The following CDO1 variants were observed in gnomAD, a reference collection of about 807,000 sequenced individuals.
CDO1 encodes cysteine dioxygenase, type I.
In CDO1, 19 loss-of-function variants were observed where a neutral mutation model predicts 24.5. The ratio of observed to expected loss-of-function variants is 0.77; its 90% CI spans 0.54 to 1.14. The LOEUF is 1.14. Among genes scored for constraint, CDO1 ranks in the 50% most tolerant of loss-of-function variants. The pLI is 0.00. For missense variants in CDO1, 244 were observed against 244.8 expected (o/e 1.00, Z 0.02); for synonymous variants, 91 against 87.0 (o/e 1.05, Z -0.26).
rs114235231 is a variant in CDO1, at chr5:115,806,022, C to T, written c.573+327G>A. Among the ~76,000 whole-genome samples, 1,383 of 152,196 alleles carry T rather than the reference C, an allele frequency of 9.1e-3. 25 individuals carry two copies. The highest frequency in any genetic ancestry group is 0.032 in the African/African-American group (1,313 of 41,508). On this transcript the variant is annotated intron_variant, in intron 4 of 4. Coordinates refer to ENST00000250535, the MANE Select transcript of CDO1 (RefSeq NM_001801.3). ...ACAAAGGTTAATTATGCAACTTATC[C>T]CTGTTGGCCCAGCAAATTAGACCTA...
At position 115,816,370 on chromosome 5, in the gene CDO1, G is replaced by T. The variant is rs1309569200; in HGVS notation, c.28C>A (p.Arg10=). The T allele has an allele frequency of 5.0e-6, 8 of 1,613,574 alleles. No homozygotes were observed. Among genetic ancestry groups the T allele is most frequent in the Non-Finnish European group, 5.9e-6 (7 of 1,180,010 alleles). ...ATGCGGATCAGATCAGCCAGGGTCC[G>T]TGGCTTCAGCACTTCGGTCTGTTCC... MEQTEVLKP[R]TLADLIRILH... is the part of the protein sequence containing the mutation. Residue 10 remains arginine (R), a synonymous_variant, in exon 1 of 5, where the codon CGG becomes AGG. Transcript: ENST00000250535.
chr5:115,811,036 C>T, intron 3 of CDO1, 125 bp downstream of exon 3: 1 of 935,682 alleles, frequency 1.1e-6, no homozygotes, highest in Non-Finnish European at 1.6e-6. Flanking sequence ...TAAGTCATTT[C>T]CCAAGTATTT....
In CDO1 at chr5:115,816,482, G is replaced by T. The variant is rs915712522; in HGVS notation, c.-85C>A. On this transcript the variant is annotated 5_prime_UTR_variant, in exon 1 of 5. Transcript: ENST00000250535. ...GAGCCAAGGAGCTGGGGGCGAGGGA[G>T]CCTAACAGCCCGCTAGACCGCTAAG... The T allele has an allele frequency of 1.9e-5, 28 of 1,438,674 alleles. No individual in the cohort carries two copies. The highest frequency in any genetic ancestry group is 2.6e-5 in the Non-Finnish European group (27 of 1,041,878). The allele number at this position is 1,438,674 out of a possible 1,614,324, so 89.1% of individuals were successfully genotyped here.
intron 3 of CDO1, among the ~76,000 whole-genome samples, chr5:115,809,924 G>T (rs1297118258): frequency 6.6e-6 from 1 of 152,058 alleles, no homozygotes; most frequent in Non-Finnish European, 1.5e-5. Flanking sequence ...TTCATACCAG[G>T]CCTCACCACA....
At chr5:115,811,099 A>G (rs1457032237) in intron 3 of CDO1, 62 bp downstream of exon 3, 2 of 1,455,280 alleles carry the variant, frequency 1.4e-6, no homozygotes, top group South Asian at 1.3e-5. Context: ...TAAGTAACCA[A>G]TATTTCAGAC....
At chr5:115,809,586 T>A (rs1760099208) in intron 3 of CDO1, 1 of 152,210 alleles carries the variant, frequency 6.6e-6, no homozygotes, top group Admixed American at 6.6e-5. Flanking sequence ...CTTCCCCCAA[T>A]GCTTGAATAG....
At chr5:115,805,570 G>T in intron 4 of CDO1, 108 bp from the exon 5 acceptor site, 1 of 930,762 alleles carries the variant, frequency 1.1e-6, no homozygotes, top group Non-Finnish European at 1.7e-6. Flanking sequence ...ACTCAGCAAG[G>T]GCAAGGGAGC....
In CDO1 at chr5:115,806,343, A is replaced by G; in HGVS notation, c.573+6T>C. Reference sequence around the variant, plus strand: ...AGCATTTAAACCTAGAAGAAATTATACTCACATTTGGAGTTCTGATTCCAA... The same window carrying G: ...AGCATTTAAACCTAGAAGAAATTATGCTCACATTTGGAGTTCTGATTCCAA... On this transcript the variant is annotated splice_donor_region_variant and intron_variant, in intron 4 of 4. Transcript: ENST00000250535. The G allele has an allele frequency of 6.3e-7, 1 of 1,594,204 alleles. No homozygotes were observed. The highest frequency in any genetic ancestry group is 8.5e-7 in the Non-Finnish European group (1 of 1,171,402).
Position 115,805,322 on chromosome 5 carries a change from A to C in CDO1, c.*111T>G. On this transcript the variant is annotated 3_prime_UTR_variant, in exon 5 of 5. Coordinates refer to ENST00000250535, the MANE Select transcript of CDO1 (RefSeq NM_001801.3). ...TAGCATCTGCCTTACAGTAGATCTAAGTATTGGCTTATTTAAGTATATTAC... is the reference window on the plus strand; with the variant it reads ...TAGCATCTGCCTTACAGTAGATCTACGTATTGGCTTATTTAAGTATATTAC... The C allele has an allele frequency of 2.3e-6, 2 of 876,546 alleles. No individual in the cohort carries two copies. Among genetic ancestry groups the C allele is most frequent in the Non-Finnish European group, 3.7e-6 (2 of 546,846 alleles). 54.3% of individuals were successfully genotyped at this position (876,546 alleles called of 1,614,324 possible).
chr5:115,811,226 T>A lies in CDO1; in HGVS notation c.338A>T (p.Lys113Ile). 1 of 1,613,824 alleles carries A rather than the reference T, an allele frequency of 6.2e-7. No homozygotes were observed. Among genetic ancestry groups the A allele is most frequent in the South Asian group, 1.1e-5 (1 of 91,076 alleles). The change falls in exon 3 of 5, where the codon AAA becomes ATA. Residue 113 changes from lysine (K) to isoleucine (I), a missense_variant. Lys to Ile is a moderately radical substitution (Grantham distance 102). Coordinates refer to ENST00000250535, the MANE Select transcript of CDO1 (RefSeq NM_001801.3). Reference sequence around the variant, plus strand: ...AGACTTCTTGACCATCTCATTGGATTTTTTGTCAGGCCAGGCAAATAATGT... The same window carrying A: ...AGACTTCTTGACCATCTCATTGGATATTTTGTCAGGCCAGGCAAATAATGT... ...KETLFAWPDKKSNEMVKKSER... is the reference protein window; with the variant it reads ...KETLFAWPDKISNEMVKKSER...
chr5:115,814,838 C>T (rs1217883351), intron 1 of CDO1, among the ~76,000 whole-genome samples: 2 of 152,148 alleles, frequency 1.3e-5, no homozygotes, highest in Non-Finnish European at 2.9e-5. Flanking sequence ...TTCTTCATTG[C>T]CTGCCATTCC....
intron 2 of CDO1, 60 bp downstream of exon 2, chr5:115,813,121 A>C (rs1760263794): frequency 1.1e-6 from 1 of 937,572 alleles, no homozygotes; most frequent in African/African-American, 1.7e-5. Flanking sequence ...CTGGTACTAT[A>C]TTTTTCATAT....
chr5:115,813,047 CAAAAAAAAAAAAA>C (rs1011228490), intron 2 of CDO1, 121 bp downstream of exon 2: 8 of 152,758 alleles, frequency 5.2e-5, no homozygotes, highest in East Asian at 3.0e-4. Flanking sequence ...ACCACTGTCT[CAAAAAAAAAAAAA>C]AAAAAAAAAA....
intron 3 of CDO1, among the ~76,000 whole-genome samples, chr5:115,810,528 G>T (rs555875635): frequency 4.6e-5 from 7 of 152,116 alleles, no homozygotes. Flanking sequence ...AACCTCCTAC[G>T]TAAAAGGGAA....
intron 1 of CDO1, chr5:115,814,103 T>C (rs1004354701): frequency 6.6e-6 from 1 of 151,384 alleles, no homozygotes; most frequent in African/African-American, 2.5e-5. Flanking sequence ...TTTGGGAGTT[T>C]TTTTTCCCTT....
chr5:115,811,245 A>T lies in CDO1; in HGVS notation c.319T>A (p.Phe107Ile). ...TTGGATTTTTTGTCAGGCCAGGCAA[A>T]TAATGTCTCCTTTAGATTTCCCTGT... ...MLQGNLKETL[F>I]AWPDKKSNEM... Residue 107 changes from phenylalanine (F) to isoleucine (I), a missense_variant, in exon 3 of 5, where the codon TTT becomes ATT. Transcript: ENST00000250535. 3.1e-6 allele frequency: 5 copies of T among 1,613,648 alleles called. No homozygotes were observed. Among genetic ancestry groups the T allele is most frequent in the Non-Finnish European group, 4.2e-6 (5 of 1,179,622 alleles).
chr5:115,804,939 G>T lies in CDO1; in HGVS notation c.*494C>A, dbSNP rs1428250581. 2 of 152,356 alleles carry T rather than the reference G, an allele frequency of 1.3e-5. No homozygotes were observed. Among genetic ancestry groups the T allele is most frequent in the African/African-American group, 4.8e-5 (2 of 41,460 alleles). The allele number at this position is 152,356 out of a possible 1,614,324, so 9.4% of individuals were successfully genotyped here. On this transcript the variant is annotated 3_prime_UTR_variant, in exon 5 of 5. Transcript: ENST00000250535. Reference sequence around the variant, plus strand: ...TCTATTATTCATAGAAAAGAAATTTGTAAGGTAAGACTGAAAAAATAAAAT... The same window carrying T: ...TCTATTATTCATAGAAAAGAAATTTTTAAGGTAAGACTGAAAAAATAAAAT...
chr5:115,808,278 C>T (rs1424806556), intron 3 of CDO1, among the ~76,000 whole-genome samples: 1 of 152,146 alleles, frequency 6.6e-6, no homozygotes, highest in Non-Finnish European at 1.5e-5. Flanking sequence ...CACACCCGGC[C>T]AGCCCTAGGC....
intron 1 of CDO1, among the ~76,000 whole-genome samples, chr5:115,814,652 A>G (rs1760347316): frequency 6.6e-6 from 1 of 152,194 alleles, no homozygotes; most frequent in Non-Finnish European, 1.5e-5. Flanking sequence ...AGAGTTTGTC[A>G]ATCGAGACTA....
Sources: allele counts gnomAD v4.1 joint callset (sites outside exome capture counted in the v4.1 genomes callset), GRCh38; gene constraint gnomAD v4.1.1; transcripts MANE v1.5; gene names NCBI Gene and HGNC (gene_info 2026-07-23, HGNC 2026-07-21).